UBFD1: variants seen among roughly 807,000 people sequenced by gnomAD.
UBFD1 encodes the protein ubiquitin family domain containing 1.
Under a neutral mutation model 35.1 loss-of-function variants are expected in UBFD1, and 12 were observed. That is an observed-to-expected ratio of 0.34 (90% CI 0.22 to 0.55). UBFD1 has a LOEUF of 0.55. Among genes scored for constraint, UBFD1 ranks in the 20% least tolerant of loss-of-function variants. UBFD1 has a pLI of 0.89. For synonymous variants in UBFD1, 178 were observed against 167.6 expected (o/e 1.06, Z -0.48); for missense variants, 337 against 410.8 (o/e 0.82, Z 1.55).
chr16:23,559,842 G>A, intron 3 of UBFD1, 166 bp downstream of exon 3: 1 of 1,538,120 alleles, frequency 6.5e-7, no homozygotes, highest in Admixed American at 2.0e-5. Context: ...AACTACCTGA[G>A]ATTTGCAACT....
chr16:23,559,633 C>G lies in UBFD1; in HGVS notation c.521C>G (p.Ala174Gly), dbSNP rs1965898938. Residue 174 changes from alanine (A) to glycine (G), a missense_variant, in exon 3 of 7, where the codon GCA becomes GGA. Around this residue, in one of 4 missense-constraint regions of UBFD1, gnomAD observed 44 missense variants for 39.2 expected, o/e 1.12. Transcript: ENST00000395878. ...NTPKDAAQQD[A>G]KAEENKKEPL... ...CCCAAAGATGCTGCGCAGCAGGATGCAAAGGCCGAAGAGAACAAGAAGGAG... is the reference window on the plus strand; with the variant it reads ...CCCAAAGATGCTGCGCAGCAGGATGGAAAGGCCGAAGAGAACAAGAAGGAG... The G allele has an allele frequency of 1.2e-6, 2 of 1,614,108 alleles. No individual in the cohort carries two copies. The highest frequency in any genetic ancestry group is 2.2e-5 in the East Asian group (1 of 44,900).
intron 1 of UBFD1, 33 bp from the exon 2 acceptor site, chr16:23,557,917 G>A: frequency 1.5e-6 from 2 of 1,291,822 alleles, no homozygotes; most frequent in Admixed American, 3.8e-5. Flanking sequence ...AGCCCAGCCC[G>A]CGGCGAGCGC....
chr16:23,562,156 C>T (rs375821620), intron 3 of UBFD1, 50 bp from the exon 4 acceptor site: 46 of 1,539,214 alleles, frequency 3.0e-5, no homozygotes, highest in African/African-American at 2.5e-4. Flanking sequence ...AATAGTAACA[C>T]GACGAAATGT....
rs1055885435 is a variant in UBFD1 at position 23,571,600 on chromosome 16, T to C, written c.*1010T>C. 6.6e-6 allele frequency: 1 copy of C among 152,602 alleles called. No homozygotes were observed. Among genetic ancestry groups the C allele is most frequent in the African/African-American group, 2.4e-5 (1 of 41,458 alleles). The allele number at this position is 152,602 out of a possible 1,614,324, so 9.5% of individuals were successfully genotyped here. A position where few individuals can be genotyped will look rare whatever the true frequency, so the allele number is the denominator to read the frequency against. ...CCAGATAACCTTCTTTCTTTGGAAGTTTTCAAGAAATTCTTAAGCAGTCCA... is the reference window on the plus strand; with the variant it reads ...CCAGATAACCTTCTTTCTTTGGAAGCTTTCAAGAAATTCTTAAGCAGTCCA... On this transcript the variant is annotated 3_prime_UTR_variant, in exon 7 of 7. Transcript: ENST00000395878.
rs1375509293 is a variant in UBFD1 at position 23,571,135 on chromosome 16, T to C, written c.*545T>C. The C allele has an allele frequency of 6.6e-6, 1 of 152,608 alleles. No homozygotes were observed. Among genetic ancestry groups the C allele is most frequent in the African/African-American group, 2.4e-5 (1 of 41,440 alleles). The allele number at this position is 152,608 out of a possible 1,614,324, so 9.5% of individuals were successfully genotyped here. ...GATTCAGATTTAATTCTTTCCCTTT[T>C]TCATTCTCTCGCTTCCTCAATTTGA... is the stretch of plus-strand genomic sequence containing the variant. On this transcript the variant is annotated 3_prime_UTR_variant, in exon 7 of 7. Transcript: ENST00000395878.
In UBFD1 at chr16:23,558,057, G is replaced by C. The variant is rs1192118453; in HGVS notation, c.133G>C (p.Glu45Gln). 3 of 1,353,364 alleles carry C rather than the reference G, an allele frequency of 2.2e-6. No homozygotes were observed. Among genetic ancestry groups the C allele is most frequent in the African/African-American group, 1.5e-5 (1 of 65,230 alleles). The allele number at this position is 1,353,364 out of a possible 1,614,324, so 83.8% of individuals were successfully genotyped here. The stretch of plus-strand genomic sequence containing the variant: ...TGAAGCCGCGGCGGGGGCGGCGGCC[G>C]AGGACTCCGGCGCCGCACGAGGCAG... ...EAEAAAGAAAEDSGAARGSLQ... is the reference protein window; with the variant it reads ...EAEAAAGAAAQDSGAARGSLQ... Residue 45 changes from glutamate to glutamine, a missense_variant, in exon 2 of 7, where the codon GAG becomes CAG. By Grantham distance (29) the Glu-to-Gln change is conservative. Around this residue, in one of 4 missense-constraint regions of UBFD1, gnomAD observed 198 missense variants for 168.4 expected, o/e 1.18. Transcript: ENST00000395878.
In UBFD1 at chr16:23,568,673, G is replaced by C. The variant is rs892521941; in HGVS notation, c.819+1604G>C. The C allele has an allele frequency of 2.0e-5, 3 of 151,768 alleles. No individual in the cohort carries two copies. The East Asian group carries it at 6.0e-4, about 30-fold the overall frequency. The allele number at this position is 151,768 out of a possible 1,614,324, so 9.4% of individuals were successfully genotyped here. On this transcript the variant is annotated intron_variant, in intron 6 of 6. Transcript: ENST00000395878. ...GTCTCTACTAAAATTACAAAGATTA[G>C]CTGGGCGTGGTGGCGGGCACCTGTA... is the stretch of plus-strand genomic sequence containing the variant.
rs1567396547 is a variant in UBFD1 at position 23,558,379 on chromosome 16, CCCATCCTTACAGCAG to C, written c.355+101_355+115del. 5 of 1,420,486 alleles carry C rather than the reference CCCATCCTTACAGCAG, an allele frequency of 3.5e-6. No homozygotes were observed. The East Asian group carries it at 1.4e-4, about 40-fold the overall frequency. 88.0% of individuals were successfully genotyped at this position (1,420,486 alleles called of 1,614,324 possible). A position where few individuals can be genotyped will look rare whatever the true frequency, so the allele number is the denominator to read the frequency against. On this transcript the variant is annotated intron_variant, in intron 2 of 6. Transcript: ENST00000395878. ...GGTGGCTTTCCTTGCATCAGGTCCCCCCATCCTTACAGCAGTCTTCTGAAGGATACTTGGATGCCC... is the reference window on the plus strand; with the variant it reads ...GGTGGCTTTCCTTGCATCAGGTCCCCTCTTCTGAAGGATACTTGGATGCCC...
chr16:23,571,211 C>T lies in UBFD1; in HGVS notation c.*621C>T, dbSNP rs546051870. On this transcript the variant is annotated 3_prime_UTR_variant, in exon 7 of 7. Transcript: ENST00000395878. Reference sequence around the variant, plus strand: ...GTCAGTTCTTCTTTTGGTACCTCATCAACGCTTCCTTTCCTGGGCTCCCTC... The same window carrying T: ...GTCAGTTCTTCTTTTGGTACCTCATTAACGCTTCCTTTCCTGGGCTCCCTC... The T allele has an allele frequency of 2.6e-5, 4 of 152,778 alleles. No homozygotes were observed. The highest frequency in any genetic ancestry group is 9.6e-5 in the African/African-American group (4 of 41,564). 9.5% of individuals were successfully genotyped at this position (152,778 alleles called of 1,614,324 possible). A position where few individuals can be genotyped will look rare whatever the true frequency, so the allele number is the denominator to read the frequency against.
rs557673081 is a variant in UBFD1 at position 23,560,746 on chromosome 16, A to T, written c.564+1070A>T. ...CAATATTATCTTTATAAAAATTCCA[A>T]AACCCTGAAAGTTCAAAACTCTAGG... is the stretch of plus-strand genomic sequence containing the variant. On this transcript the variant is annotated intron_variant, in intron 3 of 6. Transcript: ENST00000395878. Among the ~76,000 whole-genome samples the T allele has an allele frequency of 7.9e-5, 12 of 152,338 alleles. 1 individual carries two copies. The highest frequency in any genetic ancestry group is 2.6e-4 in the African/African-American group (11 of 41,580).
chr16:23,560,939 A>T (rs1434026432), intron 3 of UBFD1, among the ~76,000 whole-genome samples: 1 of 152,192 alleles, frequency 6.6e-6, no homozygotes, highest in Non-Finnish European at 1.5e-5. Flanking sequence ...AGCACGTCAG[A>T]TAGGAGTGGT....
At chr16:23,566,378 T>G (rs1966011187) in intron 5 of UBFD1, 1 of 152,126 alleles carries the variant, frequency 6.6e-6, no homozygotes, top group Non-Finnish European at 1.5e-5. Context: ...TTTTTTTTGT[T>G]GAGATGGAGT....
chr16:23,562,396 C>G (rs1350198549), intron 4 of UBFD1, 125 bp downstream of exon 4: 13 of 953,624 alleles, frequency 1.4e-5, no homozygotes, highest in Non-Finnish European at 1.9e-5. Flanking sequence ...GAGTCTTGCT[C>G]TGTCACCCAG....
intron 1 of UBFD1, 82 bp downstream of exon 1, chr16:23,557,849 G>C: frequency 7.8e-7 from 1 of 1,277,316 alleles, no homozygotes; most frequent in South Asian, 3.4e-5. Context: ...CGGCCCGGGA[G>C]GGAGAACCGC....
At chr16:23,565,246 T>G (rs1185330191) in intron 5 of UBFD1, 1 of 152,146 alleles carries the variant, frequency 6.6e-6, no homozygotes, top group Non-Finnish European at 1.5e-5. Context: ...CTTTGCTGAG[T>G]AAGTGACCCT....
At chr16:23,559,888 A>G (rs941153858) in intron 3 of UBFD1, 17 of 1,528,768 alleles carry the variant, frequency 1.1e-5, no homozygotes, top group South Asian at 7.2e-5. Flanking sequence ...TCTCAAGTCT[A>G]CCTACTTTAG....
intron 5 of UBFD1, 51 bp downstream of exon 5, chr16:23,562,781 A>G (rs746452899): frequency 4.7e-6 from 7 of 1,483,762 alleles, no homozygotes; most frequent in Non-Finnish European, 6.6e-6. Flanking sequence ...TCTGGCACCC[A>G]GCAGCACTCA....
intron 5 of UBFD1, 106 bp downstream of exon 5, chr16:23,562,836 C>T: frequency 1.0e-6 from 1 of 966,386 alleles, no homozygotes; most frequent in Non-Finnish European, 1.6e-6. Context: ...ACCTCTCTCT[C>T]CACTGTGCTT....
Position 23,559,615 on chromosome 16 carries a change from A to G in UBFD1, c.503A>G (p.Asp168Gly). Residue 168 changes from aspartate to glycine, a missense_variant, in exon 3 of 7, where the codon GAT (aspartate) becomes GGT (glycine). By Grantham distance (94) the Asp-to-Gly change is moderately conservative. This residue lies in a region of UBFD1 where 44 missense variants were observed against 39.2 expected (regional missense o/e 1.12). Coordinates refer to ENST00000395878, the MANE Select transcript of UBFD1 (RefSeq NM_019116.3). ...NDVLAVNTPK[D>G]AAQQDAKAEE... ...GTTTTAGCAGTAAACACACCCAAAG[A>G]TGCTGCGCAGCAGGATGCAAAGGCC... 9 of 1,614,214 alleles carry G rather than the reference A, an allele frequency of 5.6e-6. No homozygotes were observed. The highest frequency in any genetic ancestry group is 6.8e-6 in the Non-Finnish European group (8 of 1,180,040).
Sources: allele counts gnomAD v4.1 joint callset (sites outside exome capture counted in the v4.1 genomes callset), GRCh38; gene constraint gnomAD v4.1.1; regional missense constraint gnomAD v4.1.1; transcripts MANE v1.5; gene names NCBI Gene and HGNC (gene_info 2026-07-23, HGNC 2026-07-21).